The following TMEM132B variants were observed in gnomAD, a reference collection of about 807,000 sequenced individuals.
TMEM132B encodes transmembrane protein 132B.
Under a neutral mutation model 90.8 loss-of-function variants are expected in TMEM132B, and 18 were observed. That is an observed-to-expected ratio of 0.20 (90% confidence interval 0.14 to 0.29). The LOEUF (loss-of-function observed/expected upper bound fraction) is 0.29. Among genes scored for constraint, TMEM132B ranks in the 10% least tolerant of loss-of-function variants. The pLI is 1.00. For missense variants in TMEM132B, 1,096 were observed against 1,326.8 expected (o/e 0.83, Z 2.70); for synonymous variants, 504 against 523.3 (o/e 0.96, Z 0.50).
chr12:125,559,166 G>A (rs1884461555), intron 4 of TMEM132B, among the ~76,000 whole-genome samples: 1 of 152,142 alleles, frequency 6.6e-6, no homozygotes, highest in Non-Finnish European at 1.5e-5. Flanking sequence ...AGGAGCTTAA[G>A]ACCAGCCTGG....
Position 125,209,916 on chromosome 12 carries a change from G to A in TMEM132B, c.67+23050G>A, listed in dbSNP as rs531979105. Among the ~76,000 whole-genome samples, 66 of 152,214 alleles carry A rather than the reference G, an allele frequency of 4.3e-4. No individual in the cohort carries two copies. Among genetic ancestry groups the A allele is most frequent in the African/African-American group, 1.5e-3 (63 of 41,524 alleles). On this transcript the variant is annotated intron_variant, in intron 1 of 8. Coordinates refer to ENST00000682704, the MANE Select transcript of TMEM132B (RefSeq NM_001366854.1). This position sits in a 1 kb window ranked among gnomAD's most constrained non-coding sequence, Gnocchi z 4.4. The stretch of plus-strand genomic sequence containing the variant: ...TTCCTCGCCTTGTCCTGTGAGTCTC[G>A]TAGGTGCCTGCTCATTCGCTTGGTC...
At chr12:125,615,979 A>C (rs1272024040) in intron 5 of TMEM132B, among the ~76,000 whole-genome samples, 1 of 152,166 alleles carries the variant, frequency 6.6e-6, no homozygotes, top group Non-Finnish European at 1.5e-5. Flanking sequence ...TTTAGGGTAC[A>C]TGTGCACAAC....
At chr12:125,264,890 T>A (rs1170359822) in intron 1 of TMEM132B, among the ~76,000 whole-genome samples, 1 of 152,228 alleles carries the variant, frequency 6.6e-6, no homozygotes, top group Admixed American at 6.5e-5. Flanking sequence ...TTTGAAATTT[T>A]CATTGAACTA....
intron 1 of TMEM132B, among the ~76,000 whole-genome samples, chr12:125,236,254 T>A (rs1441152670): frequency 6.6e-6 from 1 of 152,184 alleles, no homozygotes; most frequent in African/African-American, 2.4e-5. Context: ...CAAGTGATTC[T>A]TGTGCCTCAG....
At chr12:125,515,749 CAT>C (rs1359702228) in intron 3 of TMEM132B, among the ~76,000 whole-genome samples, 2 of 152,012 alleles carry the variant, frequency 1.3e-5, no homozygotes, top group South Asian at 2.1e-4. Flanking sequence ...CATTCTCACA[CAT>C]ATTCACACAT....
At chr12:125,452,699 G>C (rs1244727009) in intron 3 of TMEM132B, among the ~76,000 whole-genome samples, 1 of 151,928 alleles carries the variant, frequency 6.6e-6, no homozygotes, top group Non-Finnish European at 1.5e-5. Flanking sequence ...TCCCCTTATT[G>C]GTCTAATTTT....
At chr12:125,506,441 G>T (rs1432155732) in intron 3 of TMEM132B, among the ~76,000 whole-genome samples, 1 of 151,986 alleles carries the variant, frequency 6.6e-6, no homozygotes, top group South Asian at 2.1e-4. Flanking sequence ...TCTTGAGTGT[G>T]GTGATAGTTA....
chr12:125,515,650 A>AC (rs201912243), intron 3 of TMEM132B, among the ~76,000 whole-genome samples: 1 of 144,936 alleles, frequency 6.9e-6, no homozygotes, highest in South Asian at 2.2e-4. Context: ...ACACATTCAC[A>AC]CCCCCTTCAC....
At chr12:125,319,851 T>G (rs960854467) in intron 1 of TMEM132B, among the ~76,000 whole-genome samples, 1 of 151,936 alleles carries the variant, frequency 6.6e-6, no homozygotes, top group Non-Finnish European at 1.5e-5. Context: ...CCTGTCTCTA[T>G]AAAAAGTAAA....
Position 125,333,344 on chromosome 12 carries a change from A to G in TMEM132B, c.68-16108A>G, listed in dbSNP as rs145542586. Reference sequence around the variant, plus strand: ...ACTTAATTGCATTGGCAAAGGCTCTATTTCCAAGTAAGGTGACATTTACAG... The same window carrying G: ...ACTTAATTGCATTGGCAAAGGCTCTGTTTCCAAGTAAGGTGACATTTACAG... On this transcript the variant is annotated intron_variant, in intron 1 of 8. Transcript: ENST00000682704. Among the ~76,000 whole-genome samples, 127 of 152,342 alleles carry G rather than the reference A, an allele frequency of 8.3e-4. 1 individual carries two copies. The highest frequency in any genetic ancestry group is 2.9e-3 in the African/African-American group (120 of 41,560).
At chr12:125,352,258 A>G (rs1256421283) in intron 2 of TMEM132B, among the ~76,000 whole-genome samples, 1 of 152,242 alleles carries the variant, frequency 6.6e-6, no homozygotes, top group Non-Finnish European at 1.5e-5. Flanking sequence ...CAACTTCTAA[A>G]TATACGAAAG....
At chr12:125,541,688 G>T (rs1345548042) in intron 4 of TMEM132B, among the ~76,000 whole-genome samples, 1 of 151,716 alleles carries the variant, frequency 6.6e-6, no homozygotes, top group African/African-American at 2.4e-5. Context: ...AATCAAGGGA[G>T]GAGACATAGA....
Position 125,408,110 on chromosome 12 carries a change from G to A in TMEM132B, c.960-7421G>A, listed in dbSNP as rs1195216136. Among the ~76,000 whole-genome samples, 1 of 152,172 alleles carries A rather than the reference G, an allele frequency of 6.6e-6. No individual in the cohort carries two copies. The highest frequency in any genetic ancestry group is 1.5e-5 in the Non-Finnish European group (1 of 68,036). On this transcript the variant is annotated intron_variant, in intron 2 of 8. Transcript: ENST00000682704. The surrounding 1 kb of genome is among the most constrained non-coding windows in gnomAD (Gnocchi z 5.9). ...TGTGTGCCTGCTTCTGACTTTCCAC[G>A]AACGGAATTGCACAGTGCGCGCTTT... is the stretch of plus-strand genomic sequence containing the variant.
chr12:125,452,518 T>C (rs1338160350), intron 3 of TMEM132B, among the ~76,000 whole-genome samples: 1 of 152,228 alleles, frequency 6.6e-6, no homozygotes, highest in African/African-American at 2.4e-5. Context: ...TGCTAGGTTA[T>C]AGCTATTGAA....
intron 3 of TMEM132B, among the ~76,000 whole-genome samples, chr12:125,432,497 ATATATGTGTGTGTG>A (rs1315746336): frequency 1.0e-4 from 5 of 50,244 alleles, no homozygotes; most frequent in East Asian, 6.7e-4. Context: ...GTATGTGTAT[ATATATGTGTGTGTG>A]TATATATATA....
chr12:125,558,718 G>A (rs1884450903), intron 4 of TMEM132B, among the ~76,000 whole-genome samples: 1 of 152,126 alleles, frequency 6.6e-6, no homozygotes, highest in Admixed American at 6.5e-5. Context: ...TAGTTCCAAG[G>A]CATTATAGAT....
chr12:125,201,044 A>G (rs542013783), intron 1 of TMEM132B, among the ~76,000 whole-genome samples: 2 of 151,954 alleles, frequency 1.3e-5, no homozygotes, highest in African/African-American at 4.8e-5. Flanking sequence ...AAAAAGCACT[A>G]TGAATTTATG....
rs906624806 is a variant in TMEM132B, at chr12:125,498,471, T to C, written c.1107-20968T>C. Among the ~76,000 whole-genome samples, 3 of 152,210 alleles carry C rather than the reference T, an allele frequency of 2.0e-5. No homozygotes were observed. The highest frequency in any genetic ancestry group is 7.2e-5 in the African/African-American group (3 of 41,456). On this transcript the variant is annotated intron_variant, in intron 3 of 8. Transcript: ENST00000682704. The surrounding 1 kb of genome is among the most constrained non-coding windows in gnomAD (Gnocchi z 4.5). ...TGGCTGGAGACATCTAACCATGTTGTTAGCATGTTTCAGAGACAATATCTG... is the reference window on the plus strand; with the variant it reads ...TGGCTGGAGACATCTAACCATGTTGCTAGCATGTTTCAGAGACAATATCTG...
rs1445598774 is a variant in TMEM132B, at chr12:125,653,762, G to A, written c.2304G>A (p.Met768Ile). The change falls in exon 9 of 9, where the codon ATG becomes ATA. Residue 768 changes from methionine (M) to isoleucine (I), a missense_variant. Coordinates refer to ENST00000682704, the MANE Select transcript of TMEM132B (RefSeq NM_001366854.1). ...AAGGGCCTTTGATTAAGTTAGAAAT[G>A]ATGATAAGTGAACCTTGTCAGAAGA... Reference protein sequence around the residue: ...EGQGPLIKLEMMISEPCQKTK... With the variant: ...EGQGPLIKLEIMISEPCQKTK... The A allele has an allele frequency of 6.2e-7, 1 of 1,614,216 alleles. No individual in the cohort carries two copies. The highest frequency in any genetic ancestry group is 8.5e-7 in the Non-Finnish European group (1 of 1,180,042).
Sources: allele counts gnomAD v4.1 joint callset (sites outside exome capture counted in the v4.1 genomes callset), GRCh38; gene constraint gnomAD v4.1.1; non-coding constraint Gnocchi (gnomAD v3.1); transcripts MANE v1.5; gene names NCBI Gene and HGNC (gene_info 2026-07-23, HGNC 2026-07-21).